Variants in VPS13D observed in about 807,000 individuals in gnomAD.
VPS13D encodes the protein intermembrane lipid transfer protein VPS13D.
Under a neutral mutation model 461.9 loss-of-function variants are expected in VPS13D, and 187 were observed. That is an observed-to-expected ratio of 0.40 (90% CI 0.36 to 0.46). VPS13D has a LOEUF of 0.46. VPS13D is among the 20% of genes least tolerant of loss of function. The probability of loss-of-function intolerance (pLI) is 0.60; values close to 1 mark genes in which losing one functional copy is unlikely to be tolerated. For missense variants in VPS13D, 4,711 were observed against 5,364.9 expected (o/e 0.88, Z 3.81); for synonymous variants, 1,951 against 1,986.3 (o/e 0.98, Z 0.47).
At chr1:12,485,430 C>T (rs1210545914) in intron 67 of VPS13D, among the ~76,000 whole-genome samples, 1 of 152,218 alleles carries the variant, frequency 6.6e-6, no homozygotes, top group Non-Finnish European at 1.5e-5. Flanking sequence ...TGGCCCTTGG[C>T]CCTGCCGTGT....
At chr1:12,273,846 T>C (rs1641528510) in intron 18 of VPS13D, among the ~76,000 whole-genome samples, 1 of 152,212 alleles carries the variant, frequency 6.6e-6, no homozygotes, top group Non-Finnish European at 1.5e-5. Context: ...ATTAGGCATA[T>C]TGCTGCTGTG....
At chr1:12,249,918 C>T (rs913153625) in intron 6 of VPS13D, among the ~76,000 whole-genome samples, 2 of 152,128 alleles carry the variant, frequency 1.3e-5, no homozygotes, top group Non-Finnish European at 2.9e-5. Context: ...CTGCAGACCC[C>T]GCTGGGTAAG....
chr1:12,338,273 T>C lies in VPS13D; in HGVS notation c.8594T>C (p.Leu2865Pro). ...VYLRTRSTAS[L>P]TNLEHQIYAR... ...CTTAGAACTAGGAGTACAGCCAGTC[T>C]GACTAACCTAGAGCACCAGATCTAT... The change falls in exon 40 of 70, where the codon CTG becomes CCG. Residue 2865 changes from leucine to proline, a missense_variant. By Grantham distance (98) the Leu-to-Pro change is moderately conservative. Coordinates refer to ENST00000620676, the MANE Select transcript of VPS13D (RefSeq NM_015378.4). The C allele has an allele frequency of 6.2e-7, 1 of 1,613,842 alleles. No homozygotes were observed. The highest frequency in any genetic ancestry group is 8.5e-7 in the Non-Finnish European group (1 of 1,179,772).
chr1:12,238,435 C>T (rs1000867402), intron 2 of VPS13D, among the ~76,000 whole-genome samples: 125 of 151,634 alleles, frequency 8.2e-4, no homozygotes, highest in African/African-American at 2.9e-3. Context: ...GAGACCCTAT[C>T]TCTAAAAAAT....
At position 12,311,826 on chromosome 1, in the gene VPS13D, G is replaced by A; in HGVS notation, c.6836G>A (p.Gly2279Glu). Residue 2279 changes from glycine (G) to glutamate (E), a missense_variant, in exon 29 of 70, where the codon GGA (glycine) becomes GAA (glutamate). Transcript: ENST00000620676. Reference protein sequence around the residue: ...QDPRIHTVLSGEVYTCMCFLI... With the variant: ...QDPRIHTVLSEEVYTCMCFLI... ...TTCCTTTTGTAGACTGTCCTGAGTGGAGAAGTGTACACCTGTATGTGCTTC... is the reference window on the plus strand; with the variant it reads ...TTCCTTTTGTAGACTGTCCTGAGTGAAGAAGTGTACACCTGTATGTGCTTC... 6.2e-7 allele frequency: 1 copy of A among 1,614,112 alleles called. No individual in the cohort carries two copies. The highest frequency in any genetic ancestry group is 8.5e-7 in the Non-Finnish European group (1 of 1,179,986).
chr1:12,356,016 T>A lies in VPS13D; in HGVS notation c.9797T>A (p.Ile3266Asn). The A allele has an allele frequency of 6.2e-7, 1 of 1,614,110 alleles. No individual in the cohort carries two copies. Among genetic ancestry groups the A allele is most frequent in the Non-Finnish European group, 8.5e-7 (1 of 1,179,994 alleles). Residue 3266 changes from isoleucine to asparagine, a missense_variant, in exon 48 of 70, where the codon ATC (isoleucine) becomes AAC (asparagine). Transcript: ENST00000620676. ...DVNRRQLNLT[I>N]RIVCRAEGSL... ...AACCGTCGGCAGCTGAACCTCACCA[T>A]CCGGATTGTGTGTCGAGCAGAAGGA...
intron 52 of VPS13D, among the ~76,000 whole-genome samples, chr1:12,367,085 CATTT>C (rs1644045724): frequency 6.6e-6 from 1 of 152,152 alleles, no homozygotes; most frequent in Non-Finnish European, 1.5e-5. Flanking sequence ...AGTCAAGGAT[CATTT>C]ATTTTAGTTG....
At chr1:12,494,652 G>A (rs912525291) in intron 67 of VPS13D, among the ~76,000 whole-genome samples, 3 of 152,148 alleles carry the variant, frequency 2.0e-5, no homozygotes, top group Admixed American at 6.5e-5. Context: ...TCAGCTTTGA[G>A]TACTAATGAA....
In VPS13D at chr1:12,400,771, G is replaced by A. The variant is rs116733634; in HGVS notation, c.11784+441G>A. On this transcript the variant is annotated intron_variant, in intron 61 of 69. Transcript: ENST00000620676. ...AGTTTGAGACCAGCTTGGGAAACATGGTGAAACCTCATTTCTATAAAAAAT... is the reference window on the plus strand; with the variant it reads ...AGTTTGAGACCAGCTTGGGAAACATAGTGAAACCTCATTTCTATAAAAAAT... 9.7e-3 allele frequency among the ~76,000 whole-genome samples: 1,482 copies of A among 152,174 alleles called. 26 individuals are homozygous for A. The highest frequency in any genetic ancestry group is 0.033 in the African/African-American group (1,352 of 41,492).
Position 12,276,993 on chromosome 1 carries a change from T to C in VPS13D, c.3405T>C (p.Asp1135=), listed in dbSNP as rs776452169. 7.9e-5 allele frequency: 128 copies of C among 1,614,052 alleles called. No homozygotes were observed. The highest frequency in any genetic ancestry group is 4.9e-4 in the Middle Eastern group (3 of 6,082). ...AAAAATCCTTTCCCAAGGAAAAAGA[T>C]GATTTAAGTCCTCAACCTTTAATGA... ...FLQKSFPKEK[D]DLSPQPLMTD... Residue 1135 remains aspartate (D), a synonymous_variant, in exon 19 of 70, where the codon GAT becomes GAC. Coordinates refer to ENST00000620676, the MANE Select transcript of VPS13D (RefSeq NM_015378.4). This position sits in a 1 kb window ranked among gnomAD's most constrained non-coding sequence, Gnocchi z 4.5.
rs960127137 is a variant in VPS13D at position 12,474,750 on chromosome 1, G to A, written c.12662+14354G>A. On this transcript the variant is annotated intron_variant, in intron 67 of 69. Transcript: ENST00000620676. ...CATCCTCCCATTTGTCCTAATTCCC[G>A]AAATTTAACTGTTGCCTTTTGAGCC... 7.5e-4 allele frequency among the ~76,000 whole-genome samples: 114 copies of A among 152,182 alleles called. 3 individuals carry two copies. The highest frequency in any genetic ancestry group is 3.4e-4 in the African/African-American group (14 of 41,508).
chr1:12,257,026 G>A lies in VPS13D; in HGVS notation c.880G>A (p.Glu294Lys). 1 of 1,614,142 alleles carries A rather than the reference G, an allele frequency of 6.2e-7. No homozygotes were observed. The highest frequency in any genetic ancestry group is 8.5e-7 in the Non-Finnish European group (1 of 1,180,020). Residue 294 changes from glutamate (E) to lysine (K), a missense_variant, in exon 9 of 70, where the codon GAA (glutamate) becomes AAA (lysine). Physicochemically the swap from Glu to Lys is moderately conservative, Grantham distance 56. Around this residue, in one of 3 missense-constraint regions of VPS13D, gnomAD observed 4,411 missense variants for 4,937.8 expected, o/e 0.89. Coordinates refer to ENST00000620676, the MANE Select transcript of VPS13D (RefSeq NM_015378.4). ...AATCATGGAATTCCTCAAGGAGCTG[G>A]AACGAAAGGAGAGGCAGGTGAAGTT... Reference protein sequence around the residue: ...RQIMEFLKELERKERQVKFRR... With the variant: ...RQIMEFLKELKRKERQVKFRR...
At chr1:12,399,054 G>C (rs1644537351) in intron 60 of VPS13D, among the ~76,000 whole-genome samples, 1 of 152,202 alleles carries the variant, frequency 6.6e-6, no homozygotes, top group Non-Finnish European at 1.5e-5. Flanking sequence ...CAGCGTTACA[G>C]GTATGATGTG....
chr1:12,489,252 C>T (rs893576258), intron 67 of VPS13D, among the ~76,000 whole-genome samples: 1 of 152,194 alleles, frequency 6.6e-6, no homozygotes, highest in African/African-American at 2.4e-5. Context: ...GTCCTACCAG[C>T]TGTCACAGTT....
chr1:12,256,166 A>G lies in VPS13D; in HGVS notation c.670-167A>G, dbSNP rs144756653. The G allele has an allele frequency of 1.2e-4, 84 of 698,414 alleles. No individual in the cohort carries two copies. In the East Asian group the frequency reaches 2.4e-3, roughly 20 times the overall value. 43.3% of individuals were successfully genotyped at this position (698,414 alleles called of 1,614,324 possible). A position where few individuals can be genotyped will look rare whatever the true frequency, so the allele number is the denominator to read the frequency against. On this transcript the variant is annotated intron_variant, in intron 7 of 69. Transcript: ENST00000620676. ...CAATATAGTGAGATCCTGTCCCTAT[A>G]TAAAAAGAATAAAAATGAATAAAAA... is the stretch of plus-strand genomic sequence containing the variant.
rs556349886 is a variant in VPS13D at position 12,494,923 on chromosome 1, G to A, written c.12663-2577G>A. ...TAGCTCAATTAATGGCCCTTATACCGTCTGCCAGCCACCAGGCACTCACTC... is the reference window on the plus strand; with the variant it reads ...TAGCTCAATTAATGGCCCTTATACCATCTGCCAGCCACCAGGCACTCACTC... On this transcript the variant is annotated intron_variant, in intron 67 of 69. Transcript: ENST00000620676. Among the ~76,000 whole-genome samples, 16 of 152,196 alleles carry A rather than the reference G, an allele frequency of 1.1e-4. No homozygotes were observed. The South Asian group carries it at 2.9e-3, about 28-fold the overall frequency.
In VPS13D at chr1:12,354,070, T is replaced by C; in HGVS notation, c.9528T>C (p.His3176=). Residue 3176 remains histidine (H), a synonymous_variant, in exon 47 of 70, where the codon CAT becomes CAC. Coordinates refer to ENST00000620676, the MANE Select transcript of VPS13D (RefSeq NM_015378.4). Reference sequence around the variant, plus strand: ...AACAGATTTTCAGACAGCCTGGGCATACCATATATCTCCTGCCAACTGTGG... The same window carrying C: ...AACAGATTTTCAGACAGCCTGGGCACACCATATATCTCCTGCCAACTGTGG... ...SAKQIFRQPG[H]TIYLLPTVVI... The C allele has an allele frequency of 6.2e-7, 1 of 1,614,218 alleles. No individual in the cohort carries two copies. Among genetic ancestry groups the C allele is most frequent in the Non-Finnish European group, 8.5e-7 (1 of 1,180,036 alleles).
chr1:12,440,030 T>C (rs1042043125), intron 65 of VPS13D, among the ~76,000 whole-genome samples: 11 of 152,196 alleles, frequency 7.2e-5, no homozygotes, highest in Non-Finnish European at 1.5e-4. Flanking sequence ...CATTCAAATG[T>C]TTTAAAGGGA....
intron 40 of VPS13D, among the ~76,000 whole-genome samples, chr1:12,339,198 T>C (rs1429783911): frequency 6.6e-6 from 1 of 152,220 alleles, no homozygotes; most frequent in Non-Finnish European, 1.5e-5. Context: ...GTATTCCTGC[T>C]TCTAAGCTTT....
Sources: gnomAD v4.1 joint callset for allele counts (sites outside exome capture counted in the v4.1 genomes callset) on GRCh38, gnomAD v4.1.1 for gene constraint, gnomAD v4.1.1 regional missense constraint, Gnocchi (gnomAD v3.1) non-coding constraint, MANE v1.5 for transcripts, NCBI Gene and HGNC (gene_info 2026-07-23, HGNC 2026-07-21) for gene names.